GDPD5: variants seen among roughly 807,000 people sequenced by gnomAD.
The protein encoded by GDPD5 is glycerophosphodiester phosphodiesterase 2.
A neutral mutation model predicts 75.1 loss-of-function variants in GDPD5; 48 were observed. The observed-to-expected ratio is 0.64, with a 90% CI of 0.51 to 0.81. GDPD5 has a LOEUF of 0.81. GDPD5 is among the 40% of genes least tolerant of loss of function. The pLI is 0.00. For missense variants in GDPD5, 706 were observed against 822.6 expected, an observed-to-expected ratio of 0.86 and a Z score of 1.73; for synonymous variants, 336 against 339.0, an observed-to-expected ratio of 0.99 and a Z score of 0.10.
chr11:75,440,838 G>A (rs949099606), intron 14 of GDPD5, among the ~76,000 whole-genome samples: 2 of 152,296 alleles, frequency 1.3e-5, no homozygotes, highest in South Asian at 4.1e-4. Context: ...GATTATAGGC[G>A]TGAGCCCCAC....
chr11:75,441,336 AG>A, intron 13 of GDPD5, 26 bp from the exon 14 acceptor site: 1 of 1,613,744 alleles, frequency 6.2e-7, no homozygotes, highest in South Asian at 1.1e-5. Flanking sequence ...GAGGCAGGTC[AG>A]CATGCGGACC....
chr11:75,506,352 A>G (rs1315078939), intron 1 of GDPD5, among the ~76,000 whole-genome samples: 1 of 152,080 alleles, frequency 6.6e-6, no homozygotes, highest in Admixed American at 6.5e-5. Flanking sequence ...GGAAAAGGAA[A>G]ATTCATCATC....
At chr11:75,502,614 G>A (rs1377146464) in intron 1 of GDPD5, among the ~76,000 whole-genome samples, 1 of 152,202 alleles carries the variant, frequency 6.6e-6, no homozygotes, top group East Asian at 1.9e-4. Flanking sequence ...GTCCCATGGA[G>A]AGAAGTGGCG....
At chr11:75,491,404 A>C (rs1172292827) in intron 1 of GDPD5, among the ~76,000 whole-genome samples, 1 of 152,150 alleles carries the variant, frequency 6.6e-6, no homozygotes, top group Non-Finnish European at 1.5e-5. Flanking sequence ...TCTAAACTTT[A>C]ATGTTTGAGA....
At chr11:75,473,314 G>A (rs549257166) in intron 3 of GDPD5, among the ~76,000 whole-genome samples, 76 of 152,064 alleles carry the variant, frequency 5.0e-4, no homozygotes, top group Admixed American at 4.6e-3. Flanking sequence ...ACTCTCACTC[G>A]CTCCTGGGGC....
intron 15 of GDPD5, 63 bp downstream of exon 15, chr11:75,439,815 TG>T: frequency 7.5e-7 from 1 of 1,340,928 alleles, no homozygotes; most frequent in Non-Finnish European, 1.1e-6. Flanking sequence ...TTCACCTGGC[TG>T]GGGTGGGGGC....
At chr11:75,501,257 A>G (rs1037427084) in intron 1 of GDPD5, among the ~76,000 whole-genome samples, 7 of 152,212 alleles carry the variant, frequency 4.6e-5, no homozygotes, top group African/African-American at 1.7e-4. Context: ...CCCCTTTCAG[A>G]GCACCCTAAC....
intron 1 of GDPD5, among the ~76,000 whole-genome samples, chr11:75,498,783 C>T (rs72989908): frequency 0.01 from 1,526 of 152,320 alleles, 17 homozygotes; most frequent in Non-Finnish European, 0.015. Context: ...CCCTTCTGCA[C>T]ACCCCTTTCT....
chr11:75,440,015 G>T, intron 14 of GDPD5, 54 bp from the exon 15 acceptor site: 1 of 1,401,010 alleles, frequency 7.1e-7, no homozygotes, highest in Non-Finnish European at 1.0e-6. Context: ...CCAGACTGAG[G>T]CTCCAGACTG....
intron 1 of GDPD5, among the ~76,000 whole-genome samples, chr11:75,513,354 A>C (rs1950569796): frequency 6.6e-6 from 1 of 152,174 alleles, no homozygotes; most frequent in Admixed American, 6.5e-5. Context: ...GTTGTGGAGT[A>C]AATTGTCCCT....
intron 1 of GDPD5, among the ~76,000 whole-genome samples, chr11:75,511,907 T>C (rs1457871383): frequency 6.6e-6 from 1 of 152,246 alleles, no homozygotes; most frequent in Non-Finnish European, 1.5e-5. Context: ...GTTTTCATCA[T>C]CTGCAAAATG....
rs1449944304 is a variant in GDPD5 at position 75,449,504 on chromosome 11, C to T, written c.568+13G>A. The T allele has an allele frequency of 1.3e-6, 2 of 1,558,506 alleles. No homozygotes were observed. The highest frequency in any genetic ancestry group is 1.4e-5 in the African/African-American group (1 of 74,000). ...AGGGATTGGAGGGGCAGGCCCTTCA[C>T]AGTTCTACTCACAGGTCCGCTCTGC... On this transcript the variant is annotated intron_variant, in intron 8 of 16. Transcript: ENST00000336898.
At position 75,456,523 on chromosome 11, in the gene GDPD5, A is replaced by G. The variant is rs574358815; in HGVS notation, c.375+234T>C. The stretch of plus-strand genomic sequence containing the variant: ...TCTTTGTACTTCAGTTTCCCCAACC[A>G]CAAAATGGAATGATAACAGTACCTA... On this transcript the variant is annotated intron_variant, in intron 6 of 16. Coordinates refer to ENST00000336898, the MANE Select transcript of GDPD5 (RefSeq NM_030792.8). 1.6e-4 allele frequency: 93 copies of G among 568,394 alleles called. No homozygotes were observed. In the South Asian group the frequency reaches 2.0e-3, roughly 12 times the overall value. 35.2% of individuals were successfully genotyped at this position (568,394 alleles called of 1,614,324 possible). A position where few individuals can be genotyped will look rare whatever the true frequency, so the allele number is the denominator to read the frequency against.
At chr11:75,495,409 G>A (rs1950191454) in intron 1 of GDPD5, among the ~76,000 whole-genome samples, 1 of 151,994 alleles carries the variant, frequency 6.6e-6, no homozygotes, top group South Asian at 2.1e-4. Flanking sequence ...AGGTTGCAGT[G>A]AGCTGAGATC....
intron 1 of GDPD5, among the ~76,000 whole-genome samples, chr11:75,491,329 T>C (rs866503003): frequency 6.6e-6 from 1 of 152,234 alleles, no homozygotes; most frequent in Non-Finnish European, 1.5e-5. Context: ...TTATTTCCTC[T>C]GCCCCCTACA....
rs1282783935 is a variant in GDPD5 at position 75,449,994 on chromosome 11, AAG to A, written c.376-13_376-12del. 2 of 1,611,430 alleles carry A rather than the reference AAG, an allele frequency of 1.2e-6. No homozygotes were observed. The highest frequency in any genetic ancestry group is 1.7e-6 in the Non-Finnish European group (2 of 1,178,292). On this transcript the variant is annotated splice_polypyrimidine_tract_variant and intron_variant, in intron 6 of 16. Coordinates refer to ENST00000336898, the MANE Select transcript of GDPD5 (RefSeq NM_030792.8). ...GACCACCAGCCCGATCTGGAGGGGGAAGAGTCACCGGACAGAGGCTCAGAGCG... is the reference window on the plus strand; with the variant it reads ...GACCACCAGCCCGATCTGGAGGGGGAAGTCACCGGACAGAGGCTCAGAGCG...
chr11:75,474,675 G>T (rs941969315), intron 3 of GDPD5, among the ~76,000 whole-genome samples: 1 of 152,134 alleles, frequency 6.6e-6, no homozygotes, highest in African/African-American at 2.4e-5. Context: ...GAAGGAGGGA[G>T]ACCAGCGTGG....
chr11:75,436,805 T>C (rs1046440012), intron 16 of GDPD5, 131 bp downstream of exon 16: 3 of 678,764 alleles, frequency 4.4e-6, no homozygotes, highest in Non-Finnish European at 7.9e-6. Flanking sequence ...GGTGGGTTTA[T>C]GTACGTCTGT....
At chr11:75,446,136 T>C (rs535520) in intron 9 of GDPD5, among the ~76,000 whole-genome samples, 86,998 of 151,736 alleles carry the variant, frequency 0.57, 25,592 homozygotes, top group East Asian at 0.8. Context: ...TTGACAGGGG[T>C]CCACGCTCCC....
Sources: gnomAD v4.1 joint callset for allele counts (sites outside exome capture counted in the v4.1 genomes callset) on GRCh38, gnomAD v4.1.1 for gene constraint, MANE v1.5 for transcripts, NCBI Gene and HGNC (gene_info 2026-07-23, HGNC 2026-07-21) for gene names.